The following C12orf57 variants were observed in gnomAD, a reference collection of about 807,000 sequenced individuals.
The protein encoded by C12orf57 is protein C10.
Under a neutral mutation model 11.3 loss-of-function variants are expected in C12orf57, and 14 were observed. That is an observed-to-expected ratio of 1.24 (90% CI 0.82 to 1.94). The LOEUF is 1.94. C12orf57 is among the 30% of genes most tolerant of loss of function. The pLI, the probability that C12orf57 is intolerant of heterozygous loss-of-function variation, is 0.00. For synonymous variants in C12orf57, 100 were observed against 74.6 expected (o/e 1.34, Z -1.76); for missense variants, 229 against 172.4 (o/e 1.33, Z -1.84).
upstream of C12orf57, chr12:6,943,915 C>G (rs782793528): frequency 4.6e-5 from 57 of 1,237,882 alleles, no homozygotes; most frequent in East Asian, 4.6e-4. Context: ...ATTGTTTTCA[C>G]TGTGCAAAAA....
upstream of C12orf57, chr12:6,943,716 G>A (rs782634343): frequency 1.0e-5 from 13 of 1,273,820 alleles, no homozygotes; most frequent in South Asian, 1.6e-4. Context: ...ATGCGTCGTT[G>A]TTTATACAGT....
chr12:6,943,980 T>C (rs1030933449), upstream of C12orf57: 14 of 1,575,902 alleles, frequency 8.9e-6, no homozygotes, highest in African/African-American at 5.5e-5. Context: ...TATGAAGGTT[T>C]GGGCCACGCC....
At position 6,944,085 on chromosome 12, in the gene C12orf57, C is replaced by A. The variant is rs150844090; in HGVS notation, c.-37C>A. ...CGTGGCTCTTTATTCGTGAGTTTTCCATTTACCTCCGCTGAACCTAGAGCT... is the reference window on the plus strand; with the variant it reads ...CGTGGCTCTTTATTCGTGAGTTTTCAATTTACCTCCGCTGAACCTAGAGCT... On this transcript the variant is annotated 5_prime_UTR_variant, in exon 1 of 3. Coordinates refer to ENST00000229281, the MANE Select transcript of C12orf57 (RefSeq NM_138425.4). 1 of 1,614,096 alleles carries A rather than the reference C, an allele frequency of 6.2e-7. No individual in the cohort carries two copies. The highest frequency in any genetic ancestry group is 1.7e-5 in the Admixed American group (1 of 60,020).
intron 2 of C12orf57, chr12:6,945,004 A>C (rs1945765059): frequency 1.8e-6 from 1 of 561,118 alleles, no homozygotes; most frequent in South Asian, 4.6e-5. Flanking sequence ...CACCTTATGC[A>C]CATAGCCTGA....
intron 1 of C12orf57, 50 bp downstream of exon 1, chr12:6,944,223 G>A: frequency 3.1e-6 from 5 of 1,613,834 alleles, no homozygotes; most frequent in Non-Finnish European, 4.2e-6. Context: ...GGGTAGTCAA[G>A]GCATGGGCTG....
chr12:6,945,656 C>A, intron 2 of C12orf57, 115 bp from the exon 3 acceptor site: 2 of 1,169,360 alleles, frequency 1.7e-6, no homozygotes, highest in Non-Finnish European at 2.5e-6. Context: ...TCCTGTTTGG[C>A]AAACAGCTGC....
intron 1 of C12orf57, 99 bp from the exon 2 acceptor site, chr12:6,944,377 C>G (rs980272669): frequency 5.1e-6 from 8 of 1,556,612 alleles, no homozygotes; most frequent in African/African-American, 4.1e-5. Flanking sequence ...GGGTTACCTA[C>G]AGCCTCAATC....
upstream of C12orf57, chr12:6,943,872 A>G (rs1945696667): frequency 8.4e-6 from 8 of 957,624 alleles, no homozygotes; most frequent in South Asian, 3.5e-5. Flanking sequence ...TTTACCGGAA[A>G]GCCCCTCTTA....
chr12:6,944,285 G>C (rs1426551387), intron 1 of C12orf57, 112 bp downstream of exon 1: 3 of 1,599,000 alleles, frequency 1.9e-6, no homozygotes, highest in South Asian at 1.1e-5. Context: ...ACCTGGCTAC[G>C]TCCGCCGGGA....
At chr12:6,943,829 CT>C (rs1945692407), upstream of C12orf57, 3 of 871,730 alleles carry the variant, frequency 3.4e-6, no homozygotes, top group Non-Finnish European at 4.9e-6. Flanking sequence ...TGTTACAGCT[CT>C]TTTAGAATTT....
chr12:6,943,815 G>GA (rs1591671349), upstream of C12orf57: 1 of 843,110 alleles, frequency 1.2e-6, no homozygotes, highest in East Asian at 3.9e-5. Flanking sequence ...CACATACGCA[G>GA]CAGTGTTACA....
rs868922430 is a variant in C12orf57 at position 6,944,032 on chromosome 12, C to T, written c.-90C>T. On this transcript the variant is annotated 5_prime_UTR_variant, in exon 1 of 3. Coordinates refer to ENST00000229281, the MANE Select transcript of C12orf57 (RefSeq NM_138425.4). ...CGCCGGATGCTGTTTCCTTTCCGCT[C>T]CCAGGGGCGTTGGGAACGGTTGTAG... is the stretch of plus-strand genomic sequence containing the variant. 5.2e-5 allele frequency: 83 copies of T among 1,608,972 alleles called. 1 individual carries two copies. The South Asian group carries it at 5.3e-4, about 10-fold the overall frequency.
intron 2 of C12orf57, 71 bp downstream of exon 2, chr12:6,944,723 T>A: frequency 6.3e-7 from 1 of 1,595,046 alleles, no homozygotes; most frequent in South Asian, 1.1e-5. Flanking sequence ...GCGCCGGATC[T>A]GTGGGCCCAT....
chr12:6,943,901 A>AT, upstream of C12orf57: 1 of 1,120,926 alleles, frequency 8.9e-7, no homozygotes, highest in Non-Finnish European at 1.2e-6. Flanking sequence ...GTTGCCAATG[A>AT]TAGATTGTTT....
upstream of C12orf57, chr12:6,943,952 G>C (rs782088766): frequency 4.0e-6 from 6 of 1,485,760 alleles, no homozygotes; most frequent in Admixed American, 2.3e-5. Flanking sequence ...TGGTCTTGAT[G>C]CAGTTGTAAG....
upstream of C12orf57, chr12:6,943,529 C>G (rs1555145298): frequency 7.8e-7 from 1 of 1,286,586 alleles, no homozygotes; most frequent in African/African-American, 1.5e-5. Flanking sequence ...TGGGCCTTTA[C>G]TGCCGAATCC....
upstream of C12orf57, chr12:6,943,898 A>G (rs748566380): frequency 3.9e-4 from 431 of 1,104,280 alleles, no homozygotes; most frequent in African/African-American, 7.5e-4. Context: ...TTTGTTGCCA[A>G]TGATAGATTG....
rs1423489110 is a variant in C12orf57 at position 6,944,351 on chromosome 12, G to A, written c.53-125G>A. 19 of 1,555,506 alleles carry A rather than the reference G, an allele frequency of 1.2e-5. No homozygotes were observed. The Admixed American group carries it at 2.9e-4, about 24-fold the overall frequency. ...TTCTAAGTGGGGCGCTTGCCCCCAA[G>A]ACTTGGGATCTTATTGGGTTACCTA... On this transcript the variant is annotated intron_variant, in intron 1 of 2. Coordinates refer to ENST00000229281, the MANE Select transcript of C12orf57 (RefSeq NM_138425.4).
At chr12:6,943,860 T>G (rs781874734), upstream of C12orf57, 12 of 932,810 alleles carry the variant, frequency 1.3e-5, no homozygotes, top group South Asian at 3.5e-5. Flanking sequence ...GCTTTCTGGC[T>G]TTTTACCGGA....
Sources: allele counts gnomAD v4.1 joint callset, GRCh38; gene constraint gnomAD v4.1.1; transcripts MANE v1.5; gene names NCBI Gene and HGNC (gene_info 2026-07-23, HGNC 2026-07-21).